The following BBS7 variants were observed in gnomAD, a reference collection of about 807,000 sequenced individuals.
The protein encoded by BBS7 is Bardet-Biedl syndrome 7.
BBS7 carries 50 observed loss-of-function variants against 90.3 expected under a neutral mutation model. That is an observed-to-expected ratio of 0.55 (90% confidence interval 0.44 to 0.70). The LOEUF is 0.70. Among genes scored for constraint, BBS7 ranks in the 30% least tolerant of loss-of-function variants. The pLI is 0.00. For missense variants in BBS7, 729 were observed against 838.9 expected (o/e 0.87, Z 1.62); for synonymous variants, 235 against 287.4 (o/e 0.82, Z 1.85).
intron 18 of BBS7, among the ~76,000 whole-genome samples, chr4:121,826,592 C>A (rs1453830703): frequency 6.6e-6 from 1 of 152,206 alleles, no homozygotes; most frequent in Non-Finnish European, 1.5e-5. Context: ...ATGGTATTAA[C>A]CCCAAGGGGA....
At chr4:121,865,761 C>A (rs544667785) in intron 2 of BBS7, among the ~76,000 whole-genome samples, 1 of 152,142 alleles carries the variant, frequency 6.6e-6, no homozygotes, top group East Asian at 1.9e-4. Context: ...ATATGGTCGC[C>A]CTATTTGTAG....
chr4:121,845,807 T>C, intron 10 of BBS7, 111 bp from the exon 11 acceptor site: 1 of 1,017,330 alleles, frequency 9.8e-7, no homozygotes, highest in Non-Finnish European at 1.5e-6. Flanking sequence ...TTTTTATTGG[T>C]TGAGTTAATA....
At chr4:121,865,946 T>C (rs938522424) in intron 2 of BBS7, among the ~76,000 whole-genome samples, 1 of 152,196 alleles carries the variant, frequency 6.6e-6, no homozygotes. Flanking sequence ...TTCATTGTGG[T>C]TTGATTTGCC....
Position 121,828,240 on chromosome 4 carries a change from G to C in BBS7, c.1920C>G (p.Asn640Lys). ...TACAGTGATATTCTGGTATCAGAAA[G>C]TTCGTATTTCCCTCATGAATCTGTA... is the stretch of plus-strand genomic sequence containing the variant. ...KELQIHEGNT[N>K]FLIPEYHCIL... The change falls in exon 18 of 19, where the codon AAC becomes AAG. Residue 640 changes from asparagine to lysine, a missense_variant. By Grantham distance (94) the Asn-to-Lys change is moderately conservative. Coordinates refer to ENST00000264499, the MANE Select transcript of BBS7 (RefSeq NM_176824.3). 6.2e-7 allele frequency: 1 copy of C among 1,613,774 alleles called. No homozygotes were observed. The highest frequency in any genetic ancestry group is 8.5e-7 in the Non-Finnish European group (1 of 1,179,814).
chr4:121,867,766 C>T (rs935690261), intron 2 of BBS7, among the ~76,000 whole-genome samples: 1 of 152,148 alleles, frequency 6.6e-6, no homozygotes, highest in Non-Finnish European at 1.5e-5. Context: ...AGTTTGCCTA[C>T]ACTGTTTACT....
Position 121,847,333 on chromosome 4 carries a change from T to C in BBS7, c.1037+71A>G, listed in dbSNP as rs1191734268. On this transcript the variant is annotated intron_variant, in intron 10 of 18. Coordinates refer to ENST00000264499, the MANE Select transcript of BBS7 (RefSeq NM_176824.3). ...CTTCCAATAAAATATACTGCATCTATAAGTAATAAAAAGCAACAACCACAC... is the reference window on the plus strand; with the variant it reads ...CTTCCAATAAAATATACTGCATCTACAAGTAATAAAAAGCAACAACCACAC... 1.5e-5 allele frequency: 14 copies of C among 956,942 alleles called. No individual in the cohort carries two copies. In the Admixed American group the frequency reaches 2.5e-4, roughly 17 times the overall value. The allele number at this position is 956,942 out of a possible 1,614,324, so 59.3% of individuals were successfully genotyped here. A position where few individuals can be genotyped will look rare whatever the true frequency, so the allele number is the denominator to read the frequency against.
At chr4:121,867,408 T>A (rs1727348265) in intron 2 of BBS7, among the ~76,000 whole-genome samples, 1 of 152,188 alleles carries the variant, frequency 6.6e-6, no homozygotes, top group Admixed American at 6.5e-5. Flanking sequence ...ATGCACTTTA[T>A]TTCTTTTTCT....
intron 11 of BBS7, 77 bp from the exon 12 acceptor site, chr4:121,844,078 G>T: frequency 1.2e-6 from 1 of 846,544 alleles, no homozygotes; most frequent in Non-Finnish European, 1.9e-6. Flanking sequence ...TTCTCTAAGA[G>T]TTCTCCTTAG....
At chr4:121,869,277 T>G (rs141570565) in intron 1 of BBS7, among the ~76,000 whole-genome samples, 51 of 152,280 alleles carry the variant, frequency 3.3e-4, no homozygotes, top group African/African-American at 1.2e-3. Flanking sequence ...GATGAGGAAT[T>G]GGGGTAGAGA....
chr4:121,852,036 T>G (rs1726348985), intron 8 of BBS7, among the ~76,000 whole-genome samples: 1 of 152,244 alleles, frequency 6.6e-6, no homozygotes, highest in African/African-American at 2.4e-5. Flanking sequence ...GATTATTATT[T>G]CTAAGCCTAA....
intron 2 of BBS7, among the ~76,000 whole-genome samples, chr4:121,864,752 TTTTTA>T (rs1441848704): frequency 2.6e-5 from 4 of 152,146 alleles, no homozygotes; most frequent in Non-Finnish European, 4.4e-5. Context: ...TGGTTTATCT[TTTTTA>T]TTTTATTCAT....
In BBS7 at chr4:121,870,271, G is replaced by A. The variant is rs764249075; in HGVS notation, c.36+7C>T. 1 of 1,614,116 alleles carries A rather than the reference G, an allele frequency of 6.2e-7. No individual in the cohort carries two copies. The highest frequency in any genetic ancestry group is 1.1e-5 in the South Asian group (1 of 91,084). Reference sequence around the variant, plus strand: ...AGCGCGGCGCCCGCCCTATCCCTTGGGTTTACCTGCAGATAATCCATTCGG... The same window carrying A: ...AGCGCGGCGCCCGCCCTATCCCTTGAGTTTACCTGCAGATAATCCATTCGG... On this transcript the variant is annotated splice_region_variant and intron_variant, in intron 1 of 18. Coordinates refer to ENST00000264499, the MANE Select transcript of BBS7 (RefSeq NM_176824.3).
intron 2 of BBS7, among the ~76,000 whole-genome samples, chr4:121,864,765 C>A (rs1280656469): frequency 6.6e-6 from 1 of 151,868 alleles, no homozygotes; most frequent in African/African-American, 2.4e-5. Context: ...TTATTTTATT[C>A]ATTTATTTTT....
Position 121,845,634 on chromosome 4 carries a change from G to A in BBS7, c.1100C>T (p.Ser367Phe), listed in dbSNP as rs1725970507. ...TGCTGATTTTGCTTTGCTTGATTGA[G>A]AAGACTGTTGATAATTCTCTCTTTC... is the stretch of plus-strand genomic sequence containing the variant. ...LQERENYQQSSQSSKAKSAVP... is the reference protein window; with the variant it reads ...LQERENYQQSFQSSKAKSAVP... The change falls in exon 11 of 19, where the codon TCT (serine) becomes TTT (phenylalanine). Residue 367 changes from serine to phenylalanine, a missense_variant. Coordinates refer to ENST00000264499, the MANE Select transcript of BBS7 (RefSeq NM_176824.3). 1 of 1,613,048 alleles carries A rather than the reference G, an allele frequency of 6.2e-7. No individual in the cohort carries two copies. The highest frequency in any genetic ancestry group is 1.7e-5 in the Admixed American group (1 of 59,982).
At chr4:121,858,266 A>T (rs1343704968) in intron 5 of BBS7, among the ~76,000 whole-genome samples, 2 of 152,096 alleles carry the variant, frequency 1.3e-5, no homozygotes, top group African/African-American at 4.8e-5. Flanking sequence ...TCACAGCTCA[A>T]CTTTTTCATC....
intron 9 of BBS7, 52 bp from the exon 10 acceptor site, chr4:121,847,558 A>C: frequency 7.7e-7 from 1 of 1,295,336 alleles, no homozygotes; most frequent in East Asian, 2.3e-5. Context: ...AGTGTTAAAA[A>C]GATAAATTAT....
chr4:121,842,953 T>A (rs1725818938), intron 12 of BBS7, among the ~76,000 whole-genome samples: 1 of 152,146 alleles, frequency 6.6e-6, no homozygotes, highest in Non-Finnish European at 1.5e-5. Flanking sequence ...TCAATAAAAG[T>A]CTGTTGAATG....
intron 15 of BBS7, among the ~76,000 whole-genome samples, chr4:121,832,270 C>T (rs1049192338): frequency 2.0e-5 from 3 of 151,958 alleles, no homozygotes; most frequent in East Asian, 1.9e-4. Flanking sequence ...TGCAGTAAGC[C>T]GAGATCATGC....
At chr4:121,853,414 T>C (rs369717842) in intron 7 of BBS7, among the ~76,000 whole-genome samples, 33 of 152,218 alleles carry the variant, frequency 2.2e-4, no homozygotes, top group Middle Eastern at 3.4e-3. Flanking sequence ...TTCCCCTCTT[T>C]ACCATACCCC....
Sources: allele counts gnomAD v4.1 joint callset (sites outside exome capture counted in the v4.1 genomes callset), GRCh38; gene constraint gnomAD v4.1.1; transcripts MANE v1.5; gene names NCBI Gene and HGNC (gene_info 2026-07-23, HGNC 2026-07-21).